LHFPL3: variants seen among roughly 807,000 people sequenced by gnomAD.
LHFPL3 encodes the protein LHFPL tetraspan subfamily member 3, also known as LHFPL tetraspan subfamily member 3 protein.
In LHFPL3, 5 loss-of-function variants were observed where a neutral mutation model predicts 19.3. The observed-to-expected ratio is 0.26, with a 90% CI of 0.14 to 0.54. The LOEUF (loss-of-function observed/expected upper bound fraction) is 0.54. LHFPL3 is among the 20% of genes least tolerant of loss of function. The pLI is 0.94. For missense variants in LHFPL3, 249 were observed against 307.4 expected, an observed-to-expected ratio of 0.81 and a Z score of 1.42; for synonymous variants, 133 against 126.2, an observed-to-expected ratio of 1.05 and a Z score of -0.36.
chr7:104,354,953 C>T (rs1243644750), intron 1 of LHFPL3, among the ~76,000 whole-genome samples: 2 of 151,952 alleles, frequency 1.3e-5, no homozygotes, highest in Non-Finnish European at 2.9e-5. Flanking sequence ...TCTTTCAAAT[C>T]CTGTGTATAT....
intron 2 of LHFPL3, among the ~76,000 whole-genome samples, chr7:104,881,619 G>T (rs1229782934): frequency 1.3e-5 from 2 of 152,224 alleles, no homozygotes; most frequent in Non-Finnish European, 2.9e-5. Flanking sequence ...TCCTGCTGAA[G>T]TTGCTGTGAA....
chr7:104,694,981 A>T (rs1562967362), intron 1 of LHFPL3, among the ~76,000 whole-genome samples: 1 of 152,216 alleles, frequency 6.6e-6, no homozygotes, highest in African/African-American at 2.4e-5. Flanking sequence ...TATGTATGTT[A>T]TCTGTGCAGA....
chr7:104,729,017 C>T (rs1368837228), intron 1 of LHFPL3, among the ~76,000 whole-genome samples: 1 of 152,064 alleles, frequency 6.6e-6, no homozygotes, highest in African/African-American at 2.4e-5. Flanking sequence ...TCAAAGTAAC[C>T]TCTTCCTATA....
Position 104,865,165 on chromosome 7 carries a change from C to T in LHFPL3, c.683-41022C>T, listed in dbSNP as rs184149467. On this transcript the variant is annotated intron_variant, in intron 2 of 2. Coordinates refer to ENST00000424859, the MANE Select transcript of LHFPL3 (RefSeq NM_199000.3). ...AAACTGGAAACTCTAAAAATCAGAG[C>T]GCCTCTCCTCCTCCAAAGGAATGCA... 2.1e-4 allele frequency among the ~76,000 whole-genome samples: 32 copies of T among 152,222 alleles called. No homozygotes were observed. The South Asian group carries it at 3.1e-3, about 15-fold the overall frequency.
intron 1 of LHFPL3, among the ~76,000 whole-genome samples, chr7:104,607,480 A>T (rs1319483769): frequency 6.6e-6 from 1 of 152,224 alleles, no homozygotes; most frequent in Non-Finnish European, 1.5e-5. Context: ...TATGTCTACC[A>T]AAGGCTTTGC....
intron 1 of LHFPL3, among the ~76,000 whole-genome samples, chr7:104,359,265 A>G (rs1414142754): frequency 6.6e-6 from 1 of 152,234 alleles, no homozygotes; most frequent in Non-Finnish European, 1.5e-5. Context: ...CTAAGGAGGA[A>G]TTTATTTACT....
intron 2 of LHFPL3, among the ~76,000 whole-genome samples, chr7:104,831,753 T>A (rs1264990304): frequency 6.7e-6 from 1 of 149,754 alleles, no homozygotes; most frequent in Non-Finnish European, 1.5e-5. Flanking sequence ...AAATACCATA[T>A]AACACATGTG....
intron 1 of LHFPL3, among the ~76,000 whole-genome samples, chr7:104,475,408 A>C (rs1283500987): frequency 6.6e-6 from 1 of 152,210 alleles, no homozygotes; most frequent in Non-Finnish European, 1.5e-5. Flanking sequence ...TATATTAAAA[A>C]TAATGTCTTA....
intron 1 of LHFPL3, among the ~76,000 whole-genome samples, chr7:104,543,830 G>A (rs1323513423): frequency 1.3e-5 from 2 of 150,210 alleles, no homozygotes; most frequent in African/African-American, 2.5e-5. Flanking sequence ...ATGAGTTAAC[G>A]GGTGCAGCAC....
intron 1 of LHFPL3, among the ~76,000 whole-genome samples, chr7:104,358,469 C>T (rs1294848561): frequency 6.6e-6 from 1 of 152,122 alleles, no homozygotes; most frequent in Non-Finnish European, 1.5e-5. Context: ...ACGGGATTTA[C>T]CTGTTTTTGA....
At chr7:104,452,171 T>C (rs1792451373) in intron 1 of LHFPL3, among the ~76,000 whole-genome samples, 1 of 152,164 alleles carries the variant, frequency 6.6e-6, no homozygotes, top group Admixed American at 6.6e-5. Flanking sequence ...CTGTATAGTA[T>C]GCACAGGTAT....
At chr7:104,820,310 G>A (rs923975884) in intron 2 of LHFPL3, among the ~76,000 whole-genome samples, 1 of 152,186 alleles carries the variant, frequency 6.6e-6, no homozygotes, top group Non-Finnish European at 1.5e-5. Flanking sequence ...AGATTAAAGT[G>A]TCAGTGCTTC....
intron 2 of LHFPL3, among the ~76,000 whole-genome samples, chr7:104,836,185 A>G (rs1791092168): frequency 6.6e-6 from 1 of 152,210 alleles, no homozygotes; most frequent in Admixed American, 6.5e-5. Context: ...AAGGAGAATC[A>G]GGAAGGAGCC....
At chr7:104,536,730 A>G (rs981319870) in intron 1 of LHFPL3, among the ~76,000 whole-genome samples, 2 of 152,164 alleles carry the variant, frequency 1.3e-5, no homozygotes, top group South Asian at 4.1e-4. Context: ...CCTACCATTT[A>G]GTTCCCCTCT....
intron 1 of LHFPL3, among the ~76,000 whole-genome samples, chr7:104,713,756 C>A (rs1793336060): frequency 6.6e-6 from 1 of 152,178 alleles, no homozygotes; most frequent in Non-Finnish European, 1.5e-5. Context: ...TATCAGCATT[C>A]CCAGCCTCGA....
chr7:104,638,421 A>G (rs1791768840), intron 1 of LHFPL3, among the ~76,000 whole-genome samples: 1 of 151,556 alleles, frequency 6.6e-6, no homozygotes, highest in Non-Finnish European at 1.5e-5. Context: ...GACTTCCAAT[A>G]CTATGTTGGA....
intron 2 of LHFPL3, among the ~76,000 whole-genome samples, chr7:104,787,712 G>A (rs1789947300): frequency 6.6e-6 from 1 of 152,090 alleles, no homozygotes; most frequent in African/African-American, 2.4e-5. Flanking sequence ...CACCATACCT[G>A]GCTATTTTTG....
intron 1 of LHFPL3, among the ~76,000 whole-genome samples, chr7:104,573,394 A>G (rs926658359): frequency 2.0e-5 from 3 of 149,372 alleles, no homozygotes; most frequent in Non-Finnish European, 4.5e-5. Flanking sequence ...CCTGGGTAAT[A>G]GAGTAAGACC....
At chr7:104,796,076 T>C (rs1790120180) in intron 2 of LHFPL3, among the ~76,000 whole-genome samples, 1 of 152,126 alleles carries the variant, frequency 6.6e-6, no homozygotes, top group Non-Finnish European at 1.5e-5. Flanking sequence ...AGCTCACGTA[T>C]GGGATGTGAT....
Sources: gnomAD v4.1 joint callset for allele counts (sites outside exome capture counted in the v4.1 genomes callset) on GRCh38, gnomAD v4.1.1 for gene constraint, MANE v1.5 for transcripts, NCBI Gene and HGNC (gene_info 2026-07-23, HGNC 2026-07-21) for gene names.